Variants in GBF1 observed in about 807,000 individuals in gnomAD.
GBF1 encodes golgi brefeldin A resistant guanine nucleotide exchange factor 1.
GBF1 carries 114 observed loss-of-function variants against 210.5 expected under a neutral mutation model. The observed-to-expected ratio is 0.54, with a 90% confidence interval of 0.47 to 0.63. The LOEUF is 0.63. Among genes scored for constraint, GBF1 ranks in the 30% least tolerant of loss-of-function variants. GBF1 has a pLI of 0.00. For synonymous variants in GBF1, 850 were observed against 889.2 expected (o/e 0.96, Z 0.78); for missense variants, 1,851 against 2,357.7 (o/e 0.79, Z 4.45).
At chr10:102,350,977 C>G (rs538631755) in intron 4 of GBF1, among the ~76,000 whole-genome samples, 228 of 151,832 alleles carry the variant, frequency 1.5e-3, no homozygotes, top group Non-Finnish European at 2.9e-3. Flanking sequence ...ATGCCAGCTA[C>G]TCGGGAGGCT....
chr10:102,370,572 G>A (rs2060150920), intron 28 of GBF1, 94 bp downstream of exon 28: 4 of 1,301,704 alleles, frequency 3.1e-6, no homozygotes, highest in East Asian at 4.6e-5. Flanking sequence ...GGAACTGTAG[G>A]CAGCAGGGGA....
chr10:102,265,554 G>T (rs2073770663), intron 3 of GBF1, among the ~76,000 whole-genome samples: 1 of 152,056 alleles, frequency 6.6e-6, no homozygotes. Context: ...TGGGTATGGT[G>T]GCGTACAACT....
At chr10:102,310,892 G>A (rs1215115139) in intron 3 of GBF1, among the ~76,000 whole-genome samples, 1 of 152,218 alleles carries the variant, frequency 6.6e-6, no homozygotes, top group African/African-American at 2.4e-5. Context: ...TGGCAAATAT[G>A]TGGACTTCAG....
chr10:102,312,218 C>T (rs963043977), intron 3 of GBF1, among the ~76,000 whole-genome samples: 8 of 151,164 alleles, frequency 5.3e-5, no homozygotes, highest in Admixed American at 4.0e-4. Context: ...GCTTGAACCT[C>T]GGGGGTGGAG....
At chr10:102,296,822 A>G (rs771241081) in intron 3 of GBF1, among the ~76,000 whole-genome samples, 45 of 152,182 alleles carry the variant, frequency 3.0e-4, no homozygotes, top group Admixed American at 4.6e-4. Flanking sequence ...AGGTGGGCGG[A>G]TCACTTGAGG....
At chr10:102,300,285 G>A (rs1338124590) in intron 3 of GBF1, among the ~76,000 whole-genome samples, 3 of 152,182 alleles carry the variant, frequency 2.0e-5, no homozygotes, top group Admixed American at 6.5e-5. Flanking sequence ...CTTATACTTG[G>A]AAGATGGTAG....
At chr10:102,375,661 A>G in intron 30 of GBF1, 77 bp downstream of exon 30, 1 of 910,294 alleles carries the variant, frequency 1.1e-6, no homozygotes, top group South Asian at 1.4e-5. Context: ...AAAACAAAAC[A>G]CAGGTTACTG....
intron 3 of GBF1, among the ~76,000 whole-genome samples, chr10:102,317,303 T>C (rs1278297842): frequency 1.3e-5 from 2 of 152,158 alleles, no homozygotes; most frequent in East Asian, 3.8e-4. Context: ...TAGACTATTA[T>C]ATAAATTTAG....
At chr10:102,242,433 C>T (rs952556748), upstream of GBF1, among the ~76,000 whole-genome samples, 1 of 152,212 alleles carries the variant, frequency 6.6e-6, no homozygotes, top group Admixed American at 6.5e-5. Context: ...GCTGGTTTCC[C>T]GCTGGTGGTA....
chr10:102,270,877 A>T (rs953191627), intron 3 of GBF1, among the ~76,000 whole-genome samples: 1 of 152,120 alleles, frequency 6.6e-6, no homozygotes, highest in African/African-American at 2.4e-5. Flanking sequence ...TATTTATTTT[A>T]GAGATGGGGG....
In GBF1 at chr10:102,380,676, C is replaced by G; in HGVS notation, c.5163C>G (p.Thr1721=). 6.2e-7 allele frequency: 1 copy of G among 1,609,186 alleles called. No homozygotes were observed. The highest frequency in any genetic ancestry group is 8.5e-7 in the Non-Finnish European group (1 of 1,177,120). The change falls in exon 38 of 40, where the codon ACC becomes ACG. Residue 1721 remains threonine (T), a synonymous_variant. Coordinates refer to ENST00000369983, the MANE Select transcript of GBF1 (RefSeq NM_001377137.1). Reference sequence around the variant, plus strand: ...TACGAGATGAACTCTTCAAGCAGACCGTCATCCAGGGTAGGGGGCTCAGCC... The same window carrying G: ...TACGAGATGAACTCTTCAAGCAGACGGTCATCCAGGGTAGGGGGCTCAGCC... ...PHLRDELFKQ[T]VIQDPMPMEP...
chr10:102,278,479 A>T (rs1481398310), intron 3 of GBF1, among the ~76,000 whole-genome samples: 2 of 152,112 alleles, frequency 1.3e-5, no homozygotes, highest in Non-Finnish European at 2.9e-5. Flanking sequence ...AGACCAGTTC[A>T]TGTCTGTGTT....
intron 12 of GBF1, 90 bp from the exon 13 acceptor site, chr10:102,360,932 G>T: frequency 1.4e-6 from 1 of 716,022 alleles, no homozygotes; most frequent in Non-Finnish European, 2.5e-6. Flanking sequence ...CTGAGATTGC[G>T]CCACTGCACT....
At chr10:102,253,800 C>A (rs1332966093) in intron 1 of GBF1, among the ~76,000 whole-genome samples, 1 of 152,122 alleles carries the variant, frequency 6.6e-6, no homozygotes, top group Non-Finnish European at 1.5e-5. Flanking sequence ...GGCGTGAGCA[C>A]CTGGCCTTTT....
chr10:102,230,846 A>C, the GBF1 span: 4 of 1,591,698 alleles, frequency 2.5e-6, no homozygotes, highest in African/African-American at 5.4e-5. Context: ...GCGGCGATGG[A>C]GCTGGGTGGC....
chr10:102,361,305 CA>C (rs2059589300), intron 13 of GBF1, 185 bp downstream of exon 13: 2 of 576,926 alleles, frequency 3.5e-6, no homozygotes, highest in Non-Finnish European at 6.2e-6. Flanking sequence ...AAAAGGAGAC[CA>C]AAGGAAACTG....
Position 102,363,342 on chromosome 10 carries a change from C to T in GBF1, c.1963C>T (p.Pro655Ser). Residue 655 changes from proline to serine, a missense_variant, in exon 16 of 40, where the codon CCA becomes TCA. Coordinates refer to ENST00000369983, the MANE Select transcript of GBF1 (RefSeq NM_001377137.1). The surrounding 1 kb of genome is among the most constrained non-coding windows in gnomAD (Gnocchi z 4.2). ...TCTGCCAGGTGGAGGGCGGCTGCCACCAGAACATGGGAAATCAGGATGCAG... is the reference window on the plus strand; with the variant it reads ...TCTGCCAGGTGGAGGGCGGCTGCCATCAGAACATGGGAAATCAGGATGCAG... ...LHLPGGGRLP[P>S]EHGKSGCSDL... is the part of the protein sequence containing the mutation. 6.2e-7 allele frequency: 1 copy of T among 1,614,086 alleles called. No homozygotes were observed.
chr10:102,369,521 A>C, intron 24 of GBF1, 134 bp downstream of exon 24: 1 of 876,124 alleles, frequency 1.1e-6, no homozygotes. Flanking sequence ...GGAATGCCTC[A>C]AATGTAAGAC....
chr10:102,238,993 T>C, the GBF1 span, among the ~76,000 whole-genome samples: 1 of 152,182 alleles, frequency 6.6e-6, no homozygotes, highest in African/African-American at 2.4e-5. Flanking sequence ...TGAGCTTGCA[T>C]CACTCCAGTT....
Sources: gnomAD v4.1 joint callset for allele counts (sites outside exome capture counted in the v4.1 genomes callset) on GRCh38, gnomAD v4.1.1 for gene constraint, Gnocchi (gnomAD v3.1) non-coding constraint, MANE v1.5 for transcripts, NCBI Gene and HGNC (gene_info 2026-07-23, HGNC 2026-07-21) for gene names.